The following STXBP5L variants were observed in gnomAD, a reference collection of about 807,000 sequenced individuals.
STXBP5L encodes syntaxin binding protein 5L.
STXBP5L carries 65 observed loss-of-function variants against 144.5 expected under a neutral mutation model. The observed-to-expected ratio is 0.45, with a 90% CI of 0.37 to 0.55. STXBP5L has a LOEUF of 0.55. STXBP5L is among the 20% of genes least tolerant of loss of function. The probability of loss-of-function intolerance (pLI) is 0.00; values close to 1 mark genes in which losing one functional copy is unlikely to be tolerated. For synonymous variants in STXBP5L, 505 were observed against 469.6 expected (o/e 1.08, Z -0.97); for missense variants, 1,298 against 1,405.5 (o/e 0.92, Z 1.22).
chr3:121,338,620 G>GAGAA (rs1272958197), intron 20 of STXBP5L, among the ~76,000 whole-genome samples: 98 of 136,930 alleles, frequency 7.2e-4, no homozygotes, highest in East Asian at 2.1e-3. Flanking sequence ...GAGAGAAAGA[G>GAGAA]AGAAAGAAAG....
intron 3 of STXBP5L, among the ~76,000 whole-genome samples, chr3:121,029,944 T>A (rs762521131): frequency 2.6e-5 from 4 of 152,146 alleles, no homozygotes; most frequent in African/African-American, 7.2e-5. Flanking sequence ...TCATCGCTGG[T>A]CATTAGAGAA....
At chr3:121,045,562 C>G (rs777889550) in intron 5 of STXBP5L, 27 bp downstream of exon 5, 290 of 1,581,088 alleles carry the variant, frequency 1.8e-4, no homozygotes, top group Non-Finnish European at 2.5e-4. Flanking sequence ...TAAACAATTT[C>G]TTAATGTACA....
chr3:121,055,960 T>C (rs973115515), intron 5 of STXBP5L, among the ~76,000 whole-genome samples: 1 of 151,880 alleles, frequency 6.6e-6, no homozygotes, highest in Admixed American at 6.6e-5. Context: ...CCCAAAGTGC[T>C]GGGATTAGAG....
chr3:120,993,001 A>G (rs978669591), intron 3 of STXBP5L, among the ~76,000 whole-genome samples: 1 of 151,960 alleles, frequency 6.6e-6, no homozygotes, highest in African/African-American at 2.4e-5. Flanking sequence ...TTTTAACTGG[A>G]GTAAGATGAT....
intron 26 of STXBP5L, 96 bp from the exon 27 acceptor site, chr3:121,418,960 T>G: frequency 7.8e-7 from 1 of 1,281,462 alleles, no homozygotes. Context: ...TTATAAGTTT[T>G]GAGATAGATT....
In STXBP5L at chr3:121,419,649, G is replaced by A. The variant is rs1426463666; in HGVS notation, c.*552G>A. On this transcript the variant is annotated 3_prime_UTR_variant, in exon 27 of 27. Coordinates refer to ENST00000471454, the MANE Select transcript of STXBP5L (RefSeq NM_001308330.2). Reference sequence around the variant, plus strand: ...GAAAACAAAACAAAACAAGAACCCAGAGTTTTCTCCTCATCTGTAACTTTC... The same window carrying A: ...GAAAACAAAACAAAACAAGAACCCAAAGTTTTCTCCTCATCTGTAACTTTC... The A allele has an allele frequency of 6.6e-6, 1 of 152,136 alleles. No homozygotes were observed. Among genetic ancestry groups the A allele is most frequent in the Non-Finnish European group, 1.5e-5 (1 of 68,056 alleles). 9.4% of individuals were successfully genotyped at this position (152,136 alleles called of 1,614,324 possible).
intron 3 of STXBP5L, among the ~76,000 whole-genome samples, chr3:121,021,142 A>G (rs1359167380): frequency 6.6e-6 from 1 of 152,134 alleles, no homozygotes; most frequent in Non-Finnish European, 1.5e-5. Flanking sequence ...AGACAAAACA[A>G]AGTTTAAAGC....
chr3:121,115,272 T>C (rs2044183092), intron 6 of STXBP5L, among the ~76,000 whole-genome samples: 1 of 152,188 alleles, frequency 6.6e-6, no homozygotes, highest in African/African-American at 2.4e-5. Context: ...AATTAAGCTT[T>C]ATATCTAAAA....
chr3:121,040,788 G>A (rs888331384), intron 3 of STXBP5L, among the ~76,000 whole-genome samples: 2 of 151,936 alleles, frequency 1.3e-5, no homozygotes, highest in African/African-American at 4.8e-5. Flanking sequence ...CATAAGCCTC[G>A]CCTTATATAT....
chr3:121,004,476 T>C (rs1420912421), intron 3 of STXBP5L, among the ~76,000 whole-genome samples: 2 of 151,844 alleles, frequency 1.3e-5, no homozygotes, highest in Non-Finnish European at 2.9e-5. Context: ...TTTCTAGATA[T>C]ACAATCATGT....
At chr3:121,264,084 G>C (rs917723226) in intron 18 of STXBP5L, among the ~76,000 whole-genome samples, 1 of 152,196 alleles carries the variant, frequency 6.6e-6, no homozygotes, top group African/African-American at 2.4e-5. Flanking sequence ...ACCCACAAGG[G>C]AAAGCCCATC....
intron 14 of STXBP5L, among the ~76,000 whole-genome samples, chr3:121,246,527 G>A (rs529309741): frequency 5.9e-5 from 9 of 152,200 alleles, no homozygotes; most frequent in African/African-American, 1.7e-4. Flanking sequence ...AAATAAAATA[G>A]AATTAAATTT....
At chr3:121,178,846 A>C (rs1011446416) in intron 9 of STXBP5L, among the ~76,000 whole-genome samples, 5 of 152,052 alleles carry the variant, frequency 3.3e-5, no homozygotes, top group Admixed American at 2.0e-4. Context: ...AGCCAGCAGA[A>C]TTAGGGAAGA....
At chr3:121,093,952 G>A (rs969297249) in intron 5 of STXBP5L, among the ~76,000 whole-genome samples, 19 of 151,962 alleles carry the variant, frequency 1.3e-4, no homozygotes, top group African/African-American at 3.1e-4. Flanking sequence ...AATGTGTCCC[G>A]GAGATTCTGG....
At chr3:121,124,389 A>G (rs866128614) in intron 7 of STXBP5L, among the ~76,000 whole-genome samples, 1 of 152,006 alleles carries the variant, frequency 6.6e-6, no homozygotes, top group Non-Finnish European at 1.5e-5. Flanking sequence ...TGTATAACTT[A>G]TAGAAAATTT....
At chr3:121,028,247 A>G (rs1241024244) in intron 3 of STXBP5L, among the ~76,000 whole-genome samples, 3 of 152,126 alleles carry the variant, frequency 2.0e-5, no homozygotes, top group African/African-American at 2.4e-5. Flanking sequence ...TGTGTAATAC[A>G]TAGATTATTA....
At chr3:121,393,944 T>G (rs1382320868) in intron 22 of STXBP5L, among the ~76,000 whole-genome samples, 2 of 152,198 alleles carry the variant, frequency 1.3e-5, no homozygotes, top group Non-Finnish European at 2.9e-5. Context: ...TTAGAATTAT[T>G]TTTTCTACTT....
At chr3:121,319,371 G>A (rs770687529) in intron 20 of STXBP5L, among the ~76,000 whole-genome samples, 1 of 151,996 alleles carries the variant, frequency 6.6e-6, no homozygotes, top group Non-Finnish European at 1.5e-5. Flanking sequence ...CAACGAATTT[G>A]GACTTGTAGA....
intron 5 of STXBP5L, among the ~76,000 whole-genome samples, chr3:121,053,226 G>A (rs924013700): frequency 6.6e-6 from 1 of 152,066 alleles, no homozygotes; most frequent in Non-Finnish European, 1.5e-5. Flanking sequence ...TTTCTTCACA[G>A]AATTGGAAAA....
Sources: allele counts gnomAD v4.1 joint callset (sites outside exome capture counted in the v4.1 genomes callset), GRCh38; gene constraint gnomAD v4.1.1; transcripts MANE v1.5; gene names NCBI Gene and HGNC (gene_info 2026-07-23, HGNC 2026-07-21).